DRC8: variants seen among roughly 807,000 people sequenced by gnomAD.
The protein encoded by DRC8 is dynein regulatory complex protein 8.
the DRC8 span, among the ~76,000 whole-genome samples, chr1:245,012,137 T>C: frequency 6.6e-6 from 1 of 152,322 alleles, no homozygotes; most frequent in East Asian, 1.9e-4. Context: ...CCATTTGTTT[T>C]GTTCAAATGT....
the DRC8 span, among the ~76,000 whole-genome samples, chr1:245,058,405 G>A: frequency 6.6e-6 from 1 of 152,110 alleles, no homozygotes; most frequent in African/African-American, 2.4e-5. Context: ...ATATTCCACA[G>A]TTACTGACTT....
chr1:245,078,917 A>G, the DRC8 span, among the ~76,000 whole-genome samples: 4 of 152,218 alleles, frequency 2.6e-5, no homozygotes, highest in Non-Finnish European at 4.4e-5. Flanking sequence ...ATCGTGTGGC[A>G]CACCTTAAAT....
the DRC8 span, among the ~76,000 whole-genome samples, chr1:244,988,621 A>C: frequency 1.3e-5 from 2 of 152,238 alleles, no homozygotes; most frequent in East Asian, 3.8e-4. Context: ...CATGAAAAGT[A>C]ATGCTAATAA....
At chr1:245,000,949 TG>T in the DRC8 span, among the ~76,000 whole-genome samples, 54 of 151,876 alleles carry the variant, frequency 3.6e-4, no homozygotes, top group African/African-American at 1.3e-3. Flanking sequence ...AGTGGAGGCT[TG>T]GTGGAGGAGA....
the DRC8 span, among the ~76,000 whole-genome samples, chr1:245,045,779 A>C: frequency 1.3e-5 from 1 of 77,602 alleles, no homozygotes; most frequent in East Asian, 2.5e-4. Context: ...CATCGGTCTG[A>C]CTGGTTGTGG....
chr1:244,970,365 A>C, the DRC8 span: 1 of 1,471,602 alleles, frequency 6.8e-7, no homozygotes, highest in African/African-American at 1.4e-5. Context: ...AGGCCGGGAC[A>C]CCGCGGCCGA....
chr1:245,009,079 G>A, the DRC8 span, among the ~76,000 whole-genome samples: 12 of 111,492 alleles, frequency 1.1e-4, no homozygotes, highest in African/African-American at 3.5e-4. Flanking sequence ...TCTGTCACCC[G>A]GGCTGGAGTG....
chr1:244,997,825 G>T, the DRC8 span, among the ~76,000 whole-genome samples: 1 of 152,122 alleles, frequency 6.6e-6, no homozygotes, highest in Non-Finnish European at 1.5e-5. Context: ...GGTTACAGGT[G>T]TGAGCCACTG....
chr1:244,994,560 G>C, the DRC8 span, among the ~76,000 whole-genome samples: 1 of 152,086 alleles, frequency 6.6e-6, no homozygotes, highest in Non-Finnish European at 1.5e-5. Context: ...CTCCCAAGTA[G>C]CTGGGTCTAT....
the DRC8 span, chr1:245,082,262 A>C: frequency 2.8e-6 from 3 of 1,071,130 alleles, no homozygotes; most frequent in Non-Finnish European, 4.2e-6. Context: ...TGTTATACTC[A>C]AGCAGTGTGT....
chr1:244,998,157 C>T, the DRC8 span, among the ~76,000 whole-genome samples: 1 of 152,248 alleles, frequency 6.6e-6, no homozygotes, highest in Non-Finnish European at 1.5e-5. Context: ...TGACTGACCA[C>T]CATCTCCTAA....
the DRC8 span, among the ~76,000 whole-genome samples, chr1:245,008,669 A>AC: frequency 4.2e-5 from 3 of 71,008 alleles, no homozygotes; most frequent in Non-Finnish European, 8.0e-5. Context: ...ATGTTCTCAC[A>AC]CTTTTTTTTT....
the DRC8 span, among the ~76,000 whole-genome samples, chr1:244,987,261 C>T: frequency 5.3e-5 from 8 of 150,550 alleles, no homozygotes; most frequent in East Asian, 9.7e-4. Flanking sequence ...AGTGCAATGG[C>T]GCGTTCTCAG....
chr1:245,100,917 C>T, the DRC8 span, among the ~76,000 whole-genome samples: 1 of 152,090 alleles, frequency 6.6e-6, no homozygotes, highest in African/African-American at 2.4e-5. Context: ...TGGAATTTTG[C>T]TCTGTCACCC....
chr1:245,067,155 C>G, the DRC8 span, among the ~76,000 whole-genome samples: 1 of 152,104 alleles, frequency 6.6e-6, no homozygotes, highest in African/African-American at 2.4e-5. Flanking sequence ...CAGACAGAGT[C>G]TCACTTTGTC....
the DRC8 span, among the ~76,000 whole-genome samples, chr1:245,031,859 A>G: frequency 6.6e-6 from 1 of 152,146 alleles, no homozygotes; most frequent in Non-Finnish European, 1.5e-5. Flanking sequence ...TGACATAAAG[A>G]ATGTCTCTCT....
At chr1:245,101,848 A>G in the DRC8 span, among the ~76,000 whole-genome samples, 3 of 152,134 alleles carry the variant, frequency 2.0e-5, no homozygotes, top group Middle Eastern at 3.2e-3. Context: ...ACAGTATCCC[A>G]TTTTTGAACA....
At chr1:245,076,601 ATGTC>A in the DRC8 span, among the ~76,000 whole-genome samples, 1 of 152,204 alleles carries the variant, frequency 6.6e-6, no homozygotes, top group Non-Finnish European at 1.5e-5. Context: ...CTTTTCAAAC[ATGTC>A]TGATATAATA....
chr1:245,077,489 AG>A, the DRC8 span, among the ~76,000 whole-genome samples: 1 of 152,232 alleles, frequency 6.6e-6, no homozygotes, highest in Non-Finnish European at 1.5e-5. Context: ...ACAAAGCAAA[AG>A]TAATCAAAAC....
Sources: gnomAD v4.1 joint callset for allele counts (sites outside exome capture counted in the v4.1 genomes callset) on GRCh38, gnomAD v4.1.1 for gene constraint, MANE v1.5 for transcripts, NCBI Gene and HGNC (gene_info 2026-07-23, HGNC 2026-07-21) for gene names.